The following ALAS2 variants were observed in gnomAD, a reference collection of about 807,000 sequenced individuals.
The protein encoded by ALAS2 is 5'-aminolevulinate synthase 2.
ALAS2 carries 3 observed loss-of-function variants against 33.7 expected under a neutral mutation model. The ratio of observed to expected loss-of-function variants is 0.09; its 90% CI spans 0.04 to 0.23. The LOEUF (loss-of-function observed/expected upper bound fraction) is 0.23. Ranked by LOEUF, ALAS2 falls within the 10% of genes least tolerant of loss-of-function variation. ALAS2 has a pLI of 1.00. For synonymous variants in ALAS2, 191 were observed against 177.3 expected, an observed-to-expected ratio of 1.08 and a Z score of -0.61; for missense variants, 304 against 475.1, an observed-to-expected ratio of 0.64 and a Z score of 3.35.
In ALAS2 at chrX:55,015,023, CAG is replaced by C; in HGVS notation, c.1169-10_1169-9del. 8.3e-7 allele frequency: 1 copy of C among 1,208,281 alleles called. No individual in the cohort carries two copies. The highest frequency in any genetic ancestry group is 1.1e-6 in the Non-Finnish European group (1 of 893,839). On this transcript the variant is annotated splice_polypyrimidine_tract_variant and intron_variant, in intron 8 of 10. Coordinates refer to ENST00000650242, the MANE Select transcript of ALAS2 (RefSeq NM_000032.5). ...CACAGCCAAAGGCCTTGCCTGGAGA[CAG>C]AAAGGAATAAGATATACACAGATCC...
At chrX:55,030,704 G>C (rs1012970453) in intron 1 of ALAS2, among the ~76,000 whole-genome samples, 1 of 110,968 alleles carries the variant, frequency 9.0e-6, no homozygotes, top group Non-Finnish European at 1.9e-5. Flanking sequence ...GAAATGAAAT[G>C]AATGATCTTG....
intron 1 of ALAS2, among the ~76,000 whole-genome samples, chrX:55,027,021 A>C (rs1935903847): frequency 9.1e-6 from 1 of 110,118 alleles, no homozygotes; most frequent in African/African-American, 3.3e-5. Flanking sequence ...GTAGAGGGAA[A>C]GGGAGCAGGG....
chrX:55,024,669 GT>G (rs772004196), intron 3 of ALAS2, 48 bp downstream of exon 3: 1 of 1,206,607 alleles, frequency 8.3e-7, no homozygotes, highest in South Asian at 1.8e-5. Context: ...GACGTAGTGT[GT>G]TCAAGCATTA....
intron 6 of ALAS2, among the ~76,000 whole-genome samples, chrX:55,020,058 T>A (rs1935773789): frequency 9.0e-6 from 1 of 111,429 alleles, no homozygotes; most frequent in African/African-American, 3.3e-5. Flanking sequence ...AGAGCTCAGT[T>A]GAGTTGGGAG....
At chrX:55,014,624 A>G in intron 9 of ALAS2, 123 bp downstream of exon 9, 20 of 900,120 alleles carry the variant, frequency 2.2e-5, no homozygotes, top group Non-Finnish European at 2.2e-5. Flanking sequence ...AAAGCTGGCA[A>G]TAAAGGGAAT....
chrX:55,029,534 C>CT (rs889295141), intron 1 of ALAS2, among the ~76,000 whole-genome samples: 1 of 111,450 alleles, frequency 9.0e-6, no homozygotes, highest in Non-Finnish European at 1.9e-5. Context: ...ATATTACTAC[C>CT]TTTTTTTCTT....
Position 55,024,800 on chromosome X carries a change from C to T in ALAS2, c.222G>A (p.Leu74=), listed in dbSNP as rs1935864173. Reference sequence around the variant, plus strand: ...TGCTCTTCCCATCCTGGAGTTCCGACAGCATGAAGGGACAGTGGCCCTTCG... The same window carrying T: ...TGCTCTTCCCATCCTGGAGTTCCGATAGCATGAAGGGACAGTGGCCCTTCG... ...SWAKGHCPFM[L]SELQDGKSKI... is the part of the protein sequence containing the mutation. Residue 74 remains leucine (L), a synonymous_variant, in exon 3 of 11, where the codon CTG becomes CTA. Transcript: ENST00000650242. 8.3e-7 allele frequency: 1 copy of T among 1,211,826 alleles called. No homozygotes were observed. Among genetic ancestry groups the T allele is most frequent in the Non-Finnish European group, 1.1e-6 (1 of 895,334 alleles).
rs776595485 is a variant in ALAS2 at position 55,014,749 on chromosome X, G to A, written c.1435C>T (p.Arg479Trp). 16 of 1,177,266 alleles carry A rather than the reference G, an allele frequency of 1.4e-5. No homozygotes were observed. Among genetic ancestry groups the A allele is most frequent in the Middle Eastern group, 3.1e-4 (1 of 3,277 alleles). ...IPCPSHIIPI[R>W]VGNAALNSKL... ...AATGGGCATGGTGGGGCTCTCACCC[G>A]GATGGGGATGATGTGGCTGGGGCAG... The change falls in exon 9 of 11, where the codon CGG becomes TGG. Residue 479 changes from arginine (R) to tryptophan (W), a missense_variant and splice_region_variant. By Grantham distance (101) the Arg-to-Trp change is moderately radical. This residue lies in a region of ALAS2 where 95 missense variants were observed against 127.0 expected (regional missense o/e 0.75). Transcript: ENST00000650242.
At chrX:55,020,262 A>G in intron 6 of ALAS2, 58 bp downstream of exon 6, 1 of 1,113,565 alleles carries the variant, frequency 9.0e-7, no homozygotes, top group Non-Finnish European at 1.2e-6. Flanking sequence ...GAACCAGTGA[A>G]ACTGGATGCT....
intron 6 of ALAS2, among the ~76,000 whole-genome samples, chrX:55,018,464 A>G (rs1029963666): frequency 8.9e-6 from 1 of 111,797 alleles, no homozygotes; most frequent in Non-Finnish European, 1.9e-5. Context: ...GCAGACTGGG[A>G]GTTGCATGGG....
intron 6 of ALAS2, among the ~76,000 whole-genome samples, chrX:55,019,478 G>C (rs1300073662): frequency 3.6e-5 from 4 of 110,993 alleles, no homozygotes; most frequent in Non-Finnish European, 7.5e-5. Context: ...AGGGAGATGG[G>C]GAGGAGGGGG....
intron 1 of ALAS2, among the ~76,000 whole-genome samples, chrX:55,028,581 G>A (rs1470656677): frequency 1.8e-5 from 2 of 111,501 alleles, no homozygotes; most frequent in Non-Finnish European, 3.8e-5. Flanking sequence ...TTTTGGCCAT[G>A]ATATGCTCAG....
At chrX:55,013,986 C>T (rs1229783797) in intron 9 of ALAS2, among the ~76,000 whole-genome samples, 4 of 110,651 alleles carry the variant, frequency 3.6e-5, no homozygotes, top group Non-Finnish European at 7.6e-5. Context: ...CTGGAACCCC[C>T]GCCAAGCCAA....
intron 3 of ALAS2, 56 bp from the exon 4 acceptor site, chrX:55,023,923 A>G (rs781245695): frequency 3.1e-5 from 31 of 998,912 alleles, no homozygotes; most frequent in Non-Finnish European, 4.1e-5. Flanking sequence ...AAAAGAAAGC[A>G]TGTGTTGTCC....
chrX:55,017,228 G>A lies in ALAS2; in HGVS notation c.1003+258C>T, dbSNP rs888127571. On this transcript the variant is annotated intron_variant, in intron 7 of 10. Transcript: ENST00000650242. ...TGCCTCCATTCTTTGGCATTTACTA[G>A]CTGTGTGACCTTGGACAAATTACTC... Among the ~76,000 whole-genome samples, 17 of 111,786 alleles carry A rather than the reference G, an allele frequency of 1.5e-4. No homozygotes were observed. In the Admixed American group the frequency reaches 1.5e-3, roughly 10 times the overall value.
intron 8 of ALAS2, 26 bp from the exon 9 acceptor site, chrX:55,015,041 A>T: frequency 1.7e-6 from 2 of 1,199,884 alleles, no homozygotes; most frequent in African/African-American, 1.7e-5. Context: ...AATAAGATAT[A>T]CACAGATCCC....
intron 10 of ALAS2, 142 bp from the exon 11 acceptor site, chrX:55,009,485 C>A: frequency 1.8e-6 from 1 of 556,735 alleles, no homozygotes; most frequent in Non-Finnish European, 2.9e-6. Context: ...CTGTTTGCTT[C>A]TGTGTGTGCC....
intron 10 of ALAS2, among the ~76,000 whole-genome samples, chrX:55,009,996 AACTT>A (rs1361709099): frequency 9.0e-6 from 1 of 111,454 alleles, no homozygotes. Context: ...ATGCATTTCT[AACTT>A]AGGAGTACAA....
At chrX:55,010,690 A>T (rs919151063) in intron 10 of ALAS2, among the ~76,000 whole-genome samples, 1 of 111,085 alleles carries the variant, frequency 9.0e-6, no homozygotes, top group Non-Finnish European at 1.9e-5. Context: ...CTAATACTAC[A>T]ACCCTTCTCT....
Sources: gnomAD v4.1 joint callset for allele counts (sites outside exome capture counted in the v4.1 genomes callset) on GRCh38, gnomAD v4.1.1 for gene constraint, gnomAD v4.1.1 regional missense constraint, MANE v1.5 for transcripts, NCBI Gene and HGNC (gene_info 2026-07-23, HGNC 2026-07-21) for gene names.